Variants in ZMYM2 observed in about 807,000 individuals in gnomAD.
The protein encoded by ZMYM2 is zinc finger MYM-type protein 2.
A neutral mutation model predicts 162.8 loss-of-function variants in ZMYM2; 56 were observed. That is an observed-to-expected ratio of 0.34 (90% CI 0.28 to 0.43). The LOEUF (loss-of-function observed/expected upper bound fraction) is 0.43, where lower values mean the gene tolerates loss of function less well. ZMYM2 is among the 20% of genes least tolerant of loss of function. ZMYM2 has a pLI of 1.00. For missense variants in ZMYM2, 1,275 were observed against 1,621.8 expected, an observed-to-expected ratio of 0.79 and a Z score of 3.67; for synonymous variants, 510 against 541.6, an observed-to-expected ratio of 0.94 and a Z score of 0.81.
At chr13:19,884,938 T>C in the ZMYM2 span, among the ~76,000 whole-genome samples, 1 of 152,194 alleles carries the variant, frequency 6.6e-6, no homozygotes, top group African/African-American at 2.4e-5. Flanking sequence ...TACAGAGTGC[T>C]GATTGGCCCA....
the ZMYM2 span, among the ~76,000 whole-genome samples, chr13:19,931,777 A>G: frequency 1.3e-5 from 2 of 152,138 alleles, no homozygotes; most frequent in Admixed American, 6.6e-5. Context: ...GCGCACGCCA[A>G]AATACCTGGC....
intron 2 of ZMYM2, among the ~76,000 whole-genome samples, chr13:19,967,127 C>A (rs372521224): frequency 1.3e-5 from 2 of 152,104 alleles, no homozygotes; most frequent in East Asian, 1.9e-4. Context: ...CCTGGACTTA[C>A]CTGTTCATTT....
chr13:20,052,412 T>G (rs541460199), intron 14 of ZMYM2, 101 bp downstream of exon 14: 99 of 902,874 alleles, frequency 1.1e-4, no homozygotes, highest in East Asian at 1.4e-4. Context: ...ATTTTTTTGG[T>G]TTTTTTTTTG....
intron 2 of ZMYM2, among the ~76,000 whole-genome samples, chr13:19,967,945 C>G (rs142113692): frequency 6.6e-6 from 1 of 152,300 alleles, no homozygotes; most frequent in East Asian, 1.9e-4. Context: ...CTTCCCTCTT[C>G]TGGCTTTTTC....
intron 21 of ZMYM2, among the ~76,000 whole-genome samples, chr13:20,073,645 A>G (rs933682394): frequency 5.9e-5 from 9 of 152,184 alleles, no homozygotes; most frequent in Non-Finnish European, 1.3e-4. Context: ...TTACATCACG[A>G]ATTTTTATAT....
chr13:20,010,296 A>G (rs1175497629), intron 6 of ZMYM2, among the ~76,000 whole-genome samples: 3 of 152,088 alleles, frequency 2.0e-5, no homozygotes, highest in Non-Finnish European at 2.9e-5. Flanking sequence ...CCTGGGCTCA[A>G]GGGATTCTTC....
the ZMYM2 span, among the ~76,000 whole-genome samples, chr13:19,886,474 T>C: frequency 6.6e-6 from 1 of 151,836 alleles, no homozygotes; most frequent in African/African-American, 2.4e-5. Flanking sequence ...AAACGATTAA[T>C]ATTTTCAAGA....
At chr13:19,884,771 C>G in the ZMYM2 span, among the ~76,000 whole-genome samples, 1 of 152,018 alleles carries the variant, frequency 6.6e-6, no homozygotes, top group African/African-American at 2.4e-5. Context: ...AACATAGTGC[C>G]GACGCCCCCA....
At chr13:19,897,130 A>G in the ZMYM2 span, among the ~76,000 whole-genome samples, 1 of 152,228 alleles carries the variant, frequency 6.6e-6, no homozygotes, top group African/African-American at 2.4e-5. Flanking sequence ...AAGTAGAATG[A>G]TGATTGCTAG....
intron 2 of ZMYM2, among the ~76,000 whole-genome samples, chr13:19,972,557 C>A (rs1956420639): frequency 1.3e-5 from 2 of 151,956 alleles, no homozygotes; most frequent in African/African-American, 4.8e-5. Flanking sequence ...TATTTAATGG[C>A]ATGGATATAA....
At chr13:19,994,455 A>G (rs1376121161) in intron 3 of ZMYM2, among the ~76,000 whole-genome samples, 1 of 152,226 alleles carries the variant, frequency 6.6e-6, no homozygotes, top group Non-Finnish European at 1.5e-5. Context: ...ATATAATAGC[A>G]CACTTAAAGA....
chr13:20,027,042 G>A (rs1260829820), intron 8 of ZMYM2, among the ~76,000 whole-genome samples, 161 bp from the exon 9 acceptor site: 1 of 151,950 alleles, frequency 6.6e-6, no homozygotes, highest in Non-Finnish European at 1.5e-5. Context: ...ATCAGAGTCC[G>A]TTATGACAAT....
chr13:19,993,010 T>C, intron 2 of ZMYM2, 53 bp from the exon 3 acceptor site: 1 of 1,507,882 alleles, frequency 6.6e-7, no homozygotes, highest in Non-Finnish European at 8.9e-7. Context: ...TCAGTTAGAG[T>C]AACATAAAAA....
chr13:19,926,433 G>C, the ZMYM2 span, among the ~76,000 whole-genome samples: 2 of 144,730 alleles, frequency 1.4e-5, no homozygotes, highest in Non-Finnish European at 3.0e-5. Context: ...GTGCCATCTC[G>C]GCTCACCGCA....
At chr13:19,984,433 G>C (rs1168439378) in intron 2 of ZMYM2, among the ~76,000 whole-genome samples, 1 of 152,194 alleles carries the variant, frequency 6.6e-6, no homozygotes, top group African/African-American at 2.4e-5. Flanking sequence ...TTAGGAGTTA[G>C]GTAAGTATTT....
chr13:19,892,112 T>C, the ZMYM2 span, among the ~76,000 whole-genome samples: 1 of 151,728 alleles, frequency 6.6e-6, no homozygotes, highest in Non-Finnish European at 1.5e-5. Context: ...AGCTAATTTT[T>C]AAATTTTTTT....
upstream of ZMYM2, among the ~76,000 whole-genome samples, chr13:19,954,051 A>G (rs146143957): frequency 3.0e-4 from 45 of 150,776 alleles, no homozygotes; most frequent in Non-Finnish European, 6.0e-4. Flanking sequence ...TACAATGCAT[A>G]TCCCAGTGGT....
At chr13:19,929,028 A>G in the ZMYM2 span, among the ~76,000 whole-genome samples, 1 of 152,204 alleles carries the variant, frequency 6.6e-6, no homozygotes, top group Non-Finnish European at 1.5e-5. Context: ...TATTGCTAGT[A>G]TATAAAAATG....
chr13:20,040,343 C>A (rs529858176), intron 12 of ZMYM2, among the ~76,000 whole-genome samples: 1 of 152,166 alleles, frequency 6.6e-6, no homozygotes, highest in East Asian at 1.9e-4. Context: ...GGAATTTGTC[C>A]ATTTCTTCTA....
Sources: allele counts gnomAD v4.1 joint callset (sites outside exome capture counted in the v4.1 genomes callset), GRCh38; gene constraint gnomAD v4.1.1; transcripts MANE v1.5; gene names NCBI Gene and HGNC (gene_info 2026-07-23, HGNC 2026-07-21).